Variants in MAGEA12 observed in about 807,000 individuals in gnomAD.
MAGEA12 encodes MAGE family member A12, also known as melanoma-associated antigen 12.
For synonymous variants in MAGEA12, 135 were observed against 104.7 expected (o/e 1.29, Z -1.77); for missense variants, 235 against 240.1 (o/e 0.98, Z 0.14).
At chrX:152,736,053 G>A in intron 2 of MAGEA12, 34 bp from the exon 3 acceptor site, 4 of 854,200 alleles carry the variant, frequency 4.7e-6, no homozygotes, top group African/African-American at 2.0e-5. Context: ...CTGGCCGGCT[G>A]TACCCTGAGG....
At chrX:152,734,157 T>A (rs1309839511) in intron 1 of MAGEA12, 2 of 40,934 alleles carry the variant, frequency 4.9e-5, no homozygotes, top group African/African-American at 9.0e-5. Flanking sequence ...CCCACCACCA[T>A]TCCCATCCCC....
At chrX:152,735,698 G>T (rs1292133955) in intron 2 of MAGEA12, among the ~76,000 whole-genome samples, 1 of 112,205 alleles carries the variant, frequency 8.9e-6, no homozygotes, top group Non-Finnish European at 1.9e-5. Context: ...AAAGGTGAGG[G>T]CCCTGAGTGA....
chrX:152,737,107 G>A lies in MAGEA12; in HGVS notation c.*1G>A, dbSNP rs141688494. ...GGCTTTTAGAGAGGGGGAAGAGTGA[G>A]TCTGAGCACGAGTTGCAGCCAGGGC... is the stretch of plus-strand genomic sequence containing the variant. On this transcript the variant is annotated 3_prime_UTR_variant, in exon 3 of 3. Coordinates refer to ENST00000393869, the MANE Select transcript of MAGEA12 (RefSeq NM_001166387.4). 160 of 1,206,993 alleles carry A rather than the reference G, an allele frequency of 1.3e-4. No homozygotes were observed. In the African/African-American group the frequency reaches 2.4e-3, roughly 18 times the overall value.
Position 152,737,173 on chromosome X carries a change from C to G in MAGEA12, c.*67C>G. On this transcript the variant is annotated 3_prime_UTR_variant, in exon 3 of 3. Transcript: ENST00000393869. ...TGGGCCAGTGCACCTTCCAAGGCCC[C>G]ATCCATTAGTTTCCACTGCCTCGTG... The G allele has an allele frequency of 9.3e-7, 1 of 1,072,151 alleles. No individual in the cohort carries two copies. Among genetic ancestry groups the G allele is most frequent in the Non-Finnish European group, 1.3e-6 (1 of 776,087 alleles). 88.4% of individuals were successfully genotyped at this position (1,072,151 alleles called of 1,213,427 possible).
intron 2 of MAGEA12, 26 bp downstream of exon 2, chrX:152,735,279 G>C (rs1473880972): frequency 8.2e-6 from 1 of 121,398 alleles, no homozygotes; most frequent in Non-Finnish European, 1.9e-5. Flanking sequence ...TAGGATTGAG[G>C]GTACCCCTGG....
At position 152,736,240 on chromosome X, in the gene MAGEA12, G is replaced by A; in HGVS notation, c.79G>A (p.Gly27Ser). 1.7e-6 allele frequency: 2 copies of A among 1,211,536 alleles called. No individual in the cohort carries two copies. The highest frequency in any genetic ancestry group is 1.8e-5 in the South Asian group (1 of 56,977). ...EAQGEALGLV[G>S]AQAPATEEQE... ...CCAAGGAGAGGCCCTGGGCTTGGTG[G>A]GTGCGCAGGCTCCTGCTACTGAGGA... The change falls in exon 3 of 3, where the codon GGT (glycine) becomes AGT (serine). Residue 27 changes from glycine (G) to serine (S), a missense_variant. Physicochemically the swap from Gly to Ser is moderately conservative, Grantham distance 56. Coordinates refer to ENST00000393869, the MANE Select transcript of MAGEA12 (RefSeq NM_001166387.4).
intron 1 of MAGEA12, among the ~76,000 whole-genome samples, chrX:152,734,728 G>T (rs1215555921): frequency 6.2e-5 from 7 of 112,127 alleles, no homozygotes; most frequent in Non-Finnish European, 5.6e-5. Context: ...GCTGTGGTCT[G>T]AGGAGTGGCA....
chrX:152,734,445 C>T (rs1467950760), intron 1 of MAGEA12, among the ~76,000 whole-genome samples: 3 of 111,070 alleles, frequency 2.7e-5, no homozygotes, highest in Non-Finnish European at 3.8e-5. Flanking sequence ...TAATGGAGTC[C>T]GGAGGGCTCC....
intron 1 of MAGEA12, 59 bp downstream of exon 1, chrX:152,733,918 T>A (rs782054915): frequency 9.1e-6 from 1 of 109,603 alleles, no homozygotes; most frequent in South Asian, 4.0e-4. Flanking sequence ...CCCCCAATAA[T>A]CCAGCGCTGC....
At chrX:152,735,563 G>A (rs1415130026) in intron 2 of MAGEA12, among the ~76,000 whole-genome samples, 1 of 112,221 alleles carries the variant, frequency 8.9e-6, no homozygotes, top group Non-Finnish European at 1.9e-5. Flanking sequence ...CTTTGTGGGA[G>A]GATCTGGTTA....
rs1556226129 is a variant in MAGEA12 at position 152,736,227 on chromosome X, C to T, written c.66C>T (p.Ala22=). 1 of 1,211,452 alleles carries T rather than the reference C, an allele frequency of 8.3e-7. No homozygotes were observed. Among genetic ancestry groups the T allele is most frequent in the East Asian group, 3.0e-5 (1 of 33,814 alleles). Residue 22 remains alanine, a synonymous_variant, in exon 3 of 3, where the codon GCC becomes GCT. Coordinates refer to ENST00000393869, the MANE Select transcript of MAGEA12 (RefSeq NM_001166387.4). ...PEEGLEAQGE[A]LGLVGAQAPA... Reference sequence around the variant, plus strand: ...AAGGCCTTGAGGCCCAAGGAGAGGCCCTGGGCTTGGTGGGTGCGCAGGCTC... The same window carrying T: ...AAGGCCTTGAGGCCCAAGGAGAGGCTCTGGGCTTGGTGGGTGCGCAGGCTC...
In MAGEA12 at chrX:152,737,131, G is replaced by T. The variant is rs1556225501; in HGVS notation, c.*25G>T. The stretch of plus-strand genomic sequence containing the variant: ...AGTCTGAGCACGAGTTGCAGCCAGG[G>T]CCAGTGGGAGGGGGTCTGGGCCAGT... On this transcript the variant is annotated 3_prime_UTR_variant, in exon 3 of 3. Coordinates refer to ENST00000393869, the MANE Select transcript of MAGEA12 (RefSeq NM_001166387.4). The T allele has an allele frequency of 8.4e-7, 1 of 1,192,772 alleles. No individual in the cohort carries two copies. Among genetic ancestry groups the T allele is most frequent in the East Asian group, 3.0e-5 (1 of 33,748 alleles).
chrX:152,734,321 G>A (rs1350089931), intron 1 of MAGEA12, among the ~76,000 whole-genome samples: 1 of 111,289 alleles, frequency 9.0e-6, no homozygotes, highest in Non-Finnish European at 1.9e-5. Context: ...CGGGAATGGC[G>A]GCCAAGCACG....
At position 152,736,123 on chromosome X, in the gene MAGEA12, C is replaced by T. The variant is rs782430895; in HGVS notation, c.-39C>T. ...ACAGGCCCCGGAGCAGCACTAGCTC[C>T]TGCCCACACTCCTACCTGCTGCCCT... On this transcript the variant is annotated 5_prime_UTR_variant, in exon 3 of 3. Transcript: ENST00000393869. 8.4e-7 allele frequency: 1 copy of T among 1,189,275 alleles called. No individual in the cohort carries two copies. Among genetic ancestry groups the T allele is most frequent in the African/African-American group, 1.8e-5 (1 of 56,600 alleles).
chrX:152,737,463 C>T lies in MAGEA12; in HGVS notation c.*357C>T, dbSNP rs1264039944. On this transcript the variant is annotated 3_prime_UTR_variant, in exon 3 of 3. Coordinates refer to ENST00000393869, the MANE Select transcript of MAGEA12 (RefSeq NM_001166387.4). Reference sequence around the variant, plus strand: ...ATCCATTCCATTTTGTGAATTGTGACAAATAACAGCAGTGGAAAAAGTATG... The same window carrying T: ...ATCCATTCCATTTTGTGAATTGTGATAAATAACAGCAGTGGAAAAAGTATG... 3.0e-6 allele frequency: 1 copy of T among 330,471 alleles called. No homozygotes were observed. Among genetic ancestry groups the T allele is most frequent in the Non-Finnish European group, 5.9e-6 (1 of 170,736 alleles). The allele number at this position is 330,471 out of a possible 1,213,427, so 27.2% of individuals were successfully genotyped here.
Position 152,736,867 on chromosome X carries a change from G to A in MAGEA12, c.706G>A (p.Asp236Asn), listed in dbSNP as rs1271160716. The change falls in exon 3 of 3, where the codon GAC (aspartate) becomes AAC (asparagine). Residue 236 changes from aspartate to asparagine, a missense_variant. Asp to Asn is a conservative substitution (Grantham distance 23). Transcript: ENST00000393869. The stretch of plus-strand genomic sequence containing the variant: ...GTTGGAGGCATCTGATGGGAGGGAG[G>A]ACAGTGTCTTTGCGCATCCCAGGAA... Reference protein sequence around the residue: ...SVLEASDGREDSVFAHPRKLL... With the variant: ...SVLEASDGRENSVFAHPRKLL... 2.5e-6 allele frequency: 3 copies of A among 1,212,028 alleles called. No individual in the cohort carries two copies. Among genetic ancestry groups the A allele is most frequent in the Non-Finnish European group, 3.3e-6 (3 of 895,626 alleles).
chrX:152,736,387 A>T lies in MAGEA12; in HGVS notation c.226A>T (p.Asn76Tyr). Residue 76 changes from asparagine to tyrosine, a missense_variant, in exon 3 of 3, where the codon AAC (asparagine) becomes TAC (tyrosine). By Grantham distance (143) the Asn-to-Tyr change is moderately radical. Coordinates refer to ENST00000393869, the MANE Select transcript of MAGEA12 (RefSeq NM_001166387.4). ...AGCCTCCACCCTCCCCACTACCATCAACTATACTCTCTGGAGTCAATCCGA... is the reference window on the plus strand; with the variant it reads ...AGCCTCCACCCTCCCCACTACCATCTACTATACTCTCTGGAGTCAATCCGA... ...QGASTLPTTI[N>Y]YTLWSQSDEG... The T allele has an allele frequency of 1.7e-6, 2 of 1,211,010 alleles. No homozygotes were observed. Among genetic ancestry groups the T allele is most frequent in the Non-Finnish European group, 1.1e-6 (1 of 895,184 alleles).
rs782593264 is a variant in MAGEA12, at chrX:152,736,881, G to C, written c.720G>C (p.Ala240=). 24 of 1,195,543 alleles carry C rather than the reference G, an allele frequency of 2.0e-5. No homozygotes were observed. Among genetic ancestry groups the C allele is most frequent in the Non-Finnish European group, 2.4e-5 (21 of 881,437 alleles). The change falls in exon 3 of 3, where the codon GCG becomes GCC. Residue 240 remains alanine, a synonymous_variant. Transcript: ENST00000393869. The stretch of plus-strand genomic sequence containing the variant: ...ATGGGAGGGAGGACAGTGTCTTTGC[G>C]CATCCCAGGAAGCTGCTCACCCAAG... ...ASDGREDSVF[A]HPRKLLTQDL...
chrX:152,735,556 T>C (rs781965287), intron 2 of MAGEA12, among the ~76,000 whole-genome samples: 1 of 112,311 alleles, frequency 8.9e-6, no homozygotes, highest in Non-Finnish European at 1.9e-5. Context: ...CATTGTCCTT[T>C]GTGGGAGGAT....
Sources: allele counts gnomAD v4.1 joint callset (sites outside exome capture counted in the v4.1 genomes callset), GRCh38; gene constraint gnomAD v4.1.1; transcripts MANE v1.5; gene names NCBI Gene and HGNC (gene_info 2026-07-23, HGNC 2026-07-21).